The following FYN variants were observed in gnomAD, a reference collection of about 807,000 sequenced individuals.
FYN encodes tyrosine-protein kinase Fyn.
FYN carries 10 observed loss-of-function variants against 70.2 expected under a neutral mutation model. The ratio of observed to expected loss-of-function variants is 0.14; its 90% CI spans 0.09 to 0.24. The LOEUF (loss-of-function observed/expected upper bound fraction) is 0.24. Ranked by LOEUF, FYN falls within the 10% of genes least tolerant of loss-of-function variation. The pLI is 1.00. For synonymous variants in FYN, 236 were observed against 248.6 expected (o/e 0.95, Z 0.48); for missense variants, 319 against 673.1 (o/e 0.47, Z 5.82).
chr6:111,771,208 G>C (rs1344783973), intron 3 of FYN, among the ~76,000 whole-genome samples: 1 of 152,102 alleles, frequency 6.6e-6, no homozygotes, highest in African/African-American at 2.4e-5. Flanking sequence ...CCCTCTCAGG[G>C]ACTGAGCTGA....
chr6:111,762,921 T>C (rs1160734462), intron 3 of FYN, among the ~76,000 whole-genome samples: 1 of 152,196 alleles, frequency 6.6e-6, no homozygotes. Context: ...CTAGGTCTCT[T>C]CTGTGACTCT....
chr6:111,725,797 G>A (rs114274742), intron 3 of FYN, among the ~76,000 whole-genome samples: 111 of 152,252 alleles, frequency 7.3e-4, no homozygotes, highest in African/African-American at 2.6e-3. Flanking sequence ...TGTCCCCCAG[G>A]ACTCCTACTC....
intron 2 of FYN, among the ~76,000 whole-genome samples, chr6:111,821,596 A>G (rs1772665160): frequency 6.6e-6 from 1 of 152,204 alleles, no homozygotes; most frequent in African/African-American, 2.4e-5. Flanking sequence ...TGTCTAAAAC[A>G]CCAAAAGCCA....
intron 13 of FYN, among the ~76,000 whole-genome samples, chr6:111,667,157 CCTTTT>C (rs1414874099): frequency 2.6e-5 from 4 of 152,226 alleles, no homozygotes; most frequent in Admixed American, 1.3e-4. Context: ...TTTTCTTTTC[CCTTTT>C]CTTTTAAACT....
At chr6:111,721,866 G>A (rs1359987729) in intron 3 of FYN, among the ~76,000 whole-genome samples, 2 of 152,178 alleles carry the variant, frequency 1.3e-5, no homozygotes, top group Admixed American at 6.5e-5. Context: ...CAGGCCAGTG[G>A]AGGTCCCTGC....
intron 2 of FYN, among the ~76,000 whole-genome samples, chr6:111,824,430 T>A (rs1022189639): frequency 2.0e-5 from 3 of 152,138 alleles, no homozygotes; most frequent in African/African-American, 7.2e-5. Flanking sequence ...GACTTAACTT[T>A]CTCCTGAAAT....
chr6:111,706,033 A>C (rs1800074447), intron 6 of FYN, among the ~76,000 whole-genome samples: 1 of 152,212 alleles, frequency 6.6e-6, no homozygotes, highest in Non-Finnish European at 1.5e-5. Context: ...CATGCCCTTA[A>C]AATGACTTGG....
chr6:111,839,161 C>T (rs1773277884), intron 2 of FYN, among the ~76,000 whole-genome samples: 1 of 152,184 alleles, frequency 6.6e-6, no homozygotes, highest in Admixed American at 6.5e-5. Context: ...ATCTAGACAG[C>T]CACCTATAGA....
At chr6:111,798,631 T>C (rs1771892653) in intron 2 of FYN, among the ~76,000 whole-genome samples, 1 of 151,984 alleles carries the variant, frequency 6.6e-6, no homozygotes, top group South Asian at 2.1e-4. Flanking sequence ...AGACCTGTTC[T>C]CAATTCTCCC....
chr6:111,852,873 T>C (rs957210485), intron 1 of FYN, among the ~76,000 whole-genome samples: 2 of 152,238 alleles, frequency 1.3e-5, no homozygotes, highest in African/African-American at 2.4e-5. Context: ...AACGATGTCA[T>C]AGTGTGTAAA....
At chr6:111,746,667 A>G (rs1203033974) in intron 3 of FYN, among the ~76,000 whole-genome samples, 1 of 152,208 alleles carries the variant, frequency 6.6e-6, no homozygotes, top group Non-Finnish European at 1.5e-5. Flanking sequence ...AAAGCAAAAA[A>G]GAAAAGGCAT....
chr6:111,870,664 CA>C (rs1353324426), intron 1 of FYN, among the ~76,000 whole-genome samples: 1 of 152,100 alleles, frequency 6.6e-6, no homozygotes, highest in Non-Finnish European at 1.5e-5. Flanking sequence ...AGTTTGAAAC[CA>C]AAACATGATG....
At chr6:111,792,416 G>A (rs1192837619) in intron 2 of FYN, among the ~76,000 whole-genome samples, 1 of 152,186 alleles carries the variant, frequency 6.6e-6, no homozygotes, top group East Asian at 1.9e-4. Context: ...ATAACTGGCA[G>A]TTTCCATTGA....
rs574489703 is a variant in FYN, at chr6:111,860,674, C to A, written c.-123+12294G>T. ...GATCATACTTAACAAATAAATTAACCAGAACCTGTCCCTTTCCCAGGAGCT... is the reference window on the plus strand; with the variant it reads ...GATCATACTTAACAAATAAATTAACAAGAACCTGTCCCTTTCCCAGGAGCT... On this transcript the variant is annotated intron_variant, in intron 1 of 13. Coordinates refer to ENST00000354650, the MANE Select transcript of FYN (RefSeq NM_002037.5). 3.1e-4 allele frequency among the ~76,000 whole-genome samples: 47 copies of A among 152,250 alleles called. 1 individual carries two copies. Among genetic ancestry groups the A allele is most frequent in the African/African-American group, 1.1e-3 (46 of 41,552 alleles).
intron 12 of FYN, among the ~76,000 whole-genome samples, chr6:111,690,436 C>T (rs1330868302): frequency 6.6e-6 from 1 of 152,182 alleles, no homozygotes; most frequent in Non-Finnish European, 1.5e-5. Flanking sequence ...CATCCTCTTT[C>T]TCTGAAAGTA....
intron 2 of FYN, among the ~76,000 whole-genome samples, chr6:111,836,678 G>A (rs1279857080): frequency 2.0e-5 from 3 of 152,156 alleles, no homozygotes; most frequent in African/African-American, 2.4e-5. Flanking sequence ...TGAGGTGGGA[G>A]GATCGCCCAG....
intron 2 of FYN, among the ~76,000 whole-genome samples, chr6:111,844,121 T>G (rs1773448609): frequency 1.3e-5 from 2 of 152,244 alleles, no homozygotes; most frequent in South Asian, 4.1e-4. Flanking sequence ...ACAGGACTGC[T>G]GTCACAGTGA....
At chr6:111,769,986 T>C (rs1225479127) in intron 3 of FYN, among the ~76,000 whole-genome samples, 13 of 151,954 alleles carry the variant, frequency 8.6e-5, no homozygotes, top group Admixed American at 8.5e-4. Flanking sequence ...GACAGGAATA[T>C]GTGGTTTTAG....
chr6:111,778,847 G>C (rs569322285), intron 3 of FYN, among the ~76,000 whole-genome samples: 5 of 151,658 alleles, frequency 3.3e-5, no homozygotes, highest in Non-Finnish European at 7.4e-5. Context: ...TAAATGCTGG[G>C]GTTTTTTTTC....
Sources: allele counts gnomAD v4.1 joint callset (sites outside exome capture counted in the v4.1 genomes callset), GRCh38; gene constraint gnomAD v4.1.1; transcripts MANE v1.5; gene names NCBI Gene and HGNC (gene_info 2026-07-23, HGNC 2026-07-21).